UBE3D: variants seen among roughly 807,000 people sequenced by gnomAD.
UBE3D encodes E3 ubiquitin-protein ligase E3D.
In UBE3D, 48 loss-of-function variants were observed where a neutral mutation model predicts 49.6. That is an observed-to-expected ratio of 0.97 (90% CI 0.77 to 1.23). UBE3D has a LOEUF of 1.23. UBE3D is among the 50% of genes most tolerant of loss of function. The pLI is 0.00. For synonymous variants in UBE3D, 189 were observed against 174.2 expected (o/e 1.08, Z -0.67); for missense variants, 452 against 468.4 (o/e 0.96, Z 0.32).
rs538211958 is a variant in UBE3D, at chr6:82,937,664, G to A, written c.1149+19648C>T. 5.4e-4 allele frequency among the ~76,000 whole-genome samples: 82 copies of A among 152,218 alleles called. 2 individuals are homozygous for A. In the South Asian group the frequency reaches 0.013, roughly 25 times the overall value. On this transcript the variant is annotated intron_variant, in intron 9 of 9. Coordinates refer to ENST00000369747, the MANE Select transcript of UBE3D (RefSeq NM_198920.3). ...ACTGAAAAATTCCTAAGCCATAAAT[G>A]TTTCAATGTGCACCAAGAACCAGAG...
intron 8 of UBE3D, among the ~76,000 whole-genome samples, chr6:82,990,834 T>C (rs1778834298): frequency 6.6e-6 from 1 of 152,216 alleles, no homozygotes; most frequent in South Asian, 2.1e-4. Context: ...AAATCATCTT[T>C]GGAAAAAGGC....
intron 9 of UBE3D, among the ~76,000 whole-genome samples, chr6:82,944,605 T>A (rs1775262836): frequency 6.6e-6 from 1 of 152,232 alleles, no homozygotes; most frequent in Non-Finnish European, 1.5e-5. Flanking sequence ...GGAGACTTTG[T>A]CTTGCACTTT....
intron 9 of UBE3D, among the ~76,000 whole-genome samples, chr6:82,901,114 T>C (rs1252887740): frequency 6.6e-6 from 1 of 152,178 alleles, no homozygotes; most frequent in South Asian, 2.1e-4. Flanking sequence ...TATTTCTAGA[T>C]TTCTACTTTT....
intron 3 of UBE3D, among the ~76,000 whole-genome samples, chr6:83,047,160 C>T (rs117705282): frequency 0.011 from 1,631 of 152,278 alleles, 18 homozygotes; most frequent in Admixed American, 0.017. Context: ...AAACCTTTTC[C>T]CTTGCTGCTT....
chr6:82,929,122 T>G (rs1773957020), intron 9 of UBE3D, among the ~76,000 whole-genome samples: 2 of 152,134 alleles, frequency 1.3e-5, no homozygotes, highest in Non-Finnish European at 2.9e-5. Flanking sequence ...AAATCTTTCT[T>G]CGGGTAAACA....
intron 9 of UBE3D, chr6:82,924,735 C>T (rs1366890027): frequency 2.6e-5 from 4 of 152,016 alleles, no homozygotes; most frequent in Non-Finnish European, 4.4e-5. Flanking sequence ...ATTTTTTCAT[C>T]CATTTATTCA....
At chr6:83,038,914 T>A (rs1782455539) in intron 4 of UBE3D, among the ~76,000 whole-genome samples, 1 of 152,250 alleles carries the variant, frequency 6.6e-6, no homozygotes, top group Non-Finnish European at 1.5e-5. Flanking sequence ...TAGTCCAGTG[T>A]AATTTATGTA....
the UBE3D span, among the ~76,000 whole-genome samples, chr6:82,883,061 A>G: frequency 6.6e-6 from 1 of 152,236 alleles, no homozygotes; most frequent in Non-Finnish European, 1.5e-5. Flanking sequence ...AAACCTGGTC[A>G]TTATATTCAT....
intron 3 of UBE3D, among the ~76,000 whole-genome samples, chr6:83,045,990 AT>A (rs1295336208): frequency 6.6e-6 from 1 of 152,146 alleles, no homozygotes; most frequent in African/African-American, 2.4e-5. Context: ...AGTTAGTCTA[AT>A]ATTGTCTCAA....
chr6:82,934,560 G>T (rs1047901320), intron 9 of UBE3D, among the ~76,000 whole-genome samples: 2 of 152,082 alleles, frequency 1.3e-5, no homozygotes, highest in African/African-American at 4.8e-5. Context: ...TACCATGGGG[G>T]TGGGGCAAGT....
chr6:82,885,862 G>A, the UBE3D span, among the ~76,000 whole-genome samples: 2 of 152,206 alleles, frequency 1.3e-5, no homozygotes, highest in Non-Finnish European at 2.9e-5. Flanking sequence ...CATTCTTCCA[G>A]AGTGTCTTAT....
chr6:83,022,700 T>A (rs1781191861), intron 6 of UBE3D, 139 bp from the exon 7 acceptor site: 2 of 515,068 alleles, frequency 3.9e-6, no homozygotes, highest in African/African-American at 4.0e-5. Context: ...GCTCATTCCC[T>A]CAGAATCTGC....
At chr6:82,999,605 G>A (rs1457484597) in intron 8 of UBE3D, among the ~76,000 whole-genome samples, 2 of 152,036 alleles carry the variant, frequency 1.3e-5, no homozygotes, top group East Asian at 3.9e-4. Flanking sequence ...GGCTGGTCTT[G>A]AACTCCTGAC....
intron 9 of UBE3D, among the ~76,000 whole-genome samples, chr6:82,952,072 C>A (rs978347545): frequency 6.6e-6 from 1 of 152,152 alleles, no homozygotes; most frequent in Non-Finnish European, 1.5e-5. Flanking sequence ...GATCACACTA[C>A]CCCTTAAGCA....
chr6:83,022,451 A>G lies in UBE3D; in HGVS notation c.846+2T>C. ...AAAAAGCTGGATAAAATAATTTCTT[A>G]CCAAGATATACACTTTGTCATCCTG... On this transcript the variant is annotated splice_donor_variant, in intron 7 of 9. Transcript: ENST00000369747. LOFTEE classifies it high-confidence loss of function. 1 of 1,558,388 alleles carries G rather than the reference A, an allele frequency of 6.4e-7. No homozygotes were observed. Among genetic ancestry groups the G allele is most frequent in the Non-Finnish European group, 8.7e-7 (1 of 1,155,206 alleles).
intron 9 of UBE3D, among the ~76,000 whole-genome samples, chr6:82,920,705 A>G (rs1773267740): frequency 6.6e-6 from 1 of 152,224 alleles, no homozygotes; most frequent in Admixed American, 6.5e-5. Flanking sequence ...CCAAAATGTT[A>G]GCCACTGCTA....
At chr6:83,001,824 T>C (rs534358790) in intron 8 of UBE3D, among the ~76,000 whole-genome samples, 6 of 152,334 alleles carry the variant, frequency 3.9e-5, no homozygotes, top group African/African-American at 1.2e-4. Context: ...TTCAGTGTAG[T>C]TGCTTTCCAA....
At chr6:82,897,441 A>T in intron 9 of UBE3D, among the ~76,000 whole-genome samples, 1 of 151,950 alleles carries the variant, frequency 6.6e-6, no homozygotes, top group East Asian at 1.9e-4. Context: ...AAACACAAAA[A>T]TTAGCTGGGT....
At chr6:82,996,716 T>G (rs1779265120) in intron 8 of UBE3D, among the ~76,000 whole-genome samples, 2 of 152,110 alleles carry the variant, frequency 1.3e-5, no homozygotes, top group African/African-American at 4.8e-5. Flanking sequence ...CACAACCCAG[T>G]CTAATCATGA....
Sources: gnomAD v4.1 joint callset for allele counts (sites outside exome capture counted in the v4.1 genomes callset) on GRCh38, gnomAD v4.1.1 for gene constraint, MANE v1.5 for transcripts, NCBI Gene and HGNC (gene_info 2026-07-23, HGNC 2026-07-21) for gene names.